The following IFT57 variants were observed in gnomAD, a reference collection of about 807,000 sequenced individuals.
IFT57 encodes the protein intraflagellar transport protein 57 homolog.
Under a neutral mutation model 56.8 loss-of-function variants are expected in IFT57, and 59 were observed. The observed-to-expected ratio is 1.04, with a 90% CI of 0.84 to 1.29. The LOEUF (loss-of-function observed/expected upper bound fraction) is 1.29, where lower values mean the gene tolerates loss of function less well. IFT57 is among the 50% of genes most tolerant of loss of function. The pLI is 0.00. For missense variants in IFT57, 470 were observed against 522.1 expected (o/e 0.90, Z 0.97); for synonymous variants, 209 against 186.1 (o/e 1.12, Z -1.00).
At chr3:108,182,897 TTAATTA>T (rs1457069933) in intron 6 of IFT57, among the ~76,000 whole-genome samples, 1 of 152,130 alleles carries the variant, frequency 6.6e-6, no homozygotes, top group Non-Finnish European at 1.5e-5. Flanking sequence ...TAAGAAACAT[TTAATTA>T]TAATTTGGAA....
chr3:108,215,625 CAT>C (rs75674084), intron 3 of IFT57, among the ~76,000 whole-genome samples: 13,907 of 152,172 alleles, frequency 0.091, 698 homozygotes, highest in Middle Eastern at 0.12. Flanking sequence ...CTAAATCAAT[CAT>C]CTTAAATAAT....
chr3:108,176,012 C>T (rs1268143091), intron 6 of IFT57, among the ~76,000 whole-genome samples: 1 of 151,784 alleles, frequency 6.6e-6, no homozygotes, highest in Non-Finnish European at 1.5e-5. Flanking sequence ...AAGAGCAGAG[C>T]TCCAAGGCTC....
intron 3 of IFT57, among the ~76,000 whole-genome samples, chr3:108,215,349 A>C (rs1221714055): frequency 1.3e-5 from 2 of 151,980 alleles, no homozygotes; most frequent in African/African-American, 4.8e-5. Context: ...ACTGTCTGAG[A>C]CCAGGAGTTT....
At chr3:108,173,808 G>GTGTGTGTGTGTGTGTGTGTGTA (rs771647277) in intron 6 of IFT57, among the ~76,000 whole-genome samples, 1 of 127,134 alleles carries the variant, frequency 7.9e-6, no homozygotes, top group African/African-American at 3.1e-5. Context: ...GTGTGTGTGT[G>GTGTGTGTGTGTGTGTGTGTGTA]TATATAATAT....
At chr3:108,198,064 T>A (rs1169429986) in intron 5 of IFT57, among the ~76,000 whole-genome samples, 2 of 152,124 alleles carry the variant, frequency 1.3e-5, no homozygotes, top group Non-Finnish European at 2.9e-5. Context: ...TGCCCAATAA[T>A]AACACCATGA....
At chr3:108,191,387 T>C (rs996382453) in intron 6 of IFT57, 134 bp downstream of exon 6, 3 of 527,354 alleles carry the variant, frequency 5.7e-6, no homozygotes, top group Admixed American at 3.9e-5. Flanking sequence ...GTTAAATCCT[T>C]ATTAAGACAA....
chr3:108,187,047 G>GTTAA (rs1216070689), intron 6 of IFT57, among the ~76,000 whole-genome samples: 1 of 152,058 alleles, frequency 6.6e-6, no homozygotes, highest in African/African-American at 2.4e-5. Context: ...AGAGTCAAAA[G>GTTAA]TTAAAATGCA....
At chr3:108,214,395 A>C (rs544446912) in intron 3 of IFT57, among the ~76,000 whole-genome samples, 4 of 152,216 alleles carry the variant, frequency 2.6e-5, no homozygotes, top group African/African-American at 9.6e-5. Context: ...GAGGTTTCTA[A>C]TTATTTTGCT....
At chr3:108,184,205 T>C (rs1002990173) in intron 6 of IFT57, among the ~76,000 whole-genome samples, 2 of 152,138 alleles carry the variant, frequency 1.3e-5, no homozygotes, top group African/African-American at 4.8e-5. Flanking sequence ...CTTAGCAGAA[T>C]TTCTGGCTGC....
intron 3 of IFT57, 51 bp from the exon 4 acceptor site, chr3:108,214,072 CA>C: frequency 5.5e-6 from 6 of 1,092,236 alleles, no homozygotes; most frequent in Non-Finnish European, 6.8e-6. Context: ...TTTAGTAAGA[CA>C]AAAAAATCAT....
intron 6 of IFT57, among the ~76,000 whole-genome samples, chr3:108,171,536 C>T (rs534640939): frequency 9.2e-4 from 140 of 151,964 alleles, no homozygotes; most frequent in African/African-American, 3.3e-3. Context: ...ATCTACTTAA[C>T]AATCATCTAG....
chr3:108,215,861 T>C (rs1381027030), intron 3 of IFT57, among the ~76,000 whole-genome samples: 1 of 152,054 alleles, frequency 6.6e-6, no homozygotes, highest in South Asian at 2.1e-4. Flanking sequence ...CAAGTCACAG[T>C]CTCTTCAATA....
intron 6 of IFT57, among the ~76,000 whole-genome samples, chr3:108,181,895 A>G (rs2080152958): frequency 6.6e-6 from 1 of 152,038 alleles, no homozygotes; most frequent in African/African-American, 2.4e-5. Flanking sequence ...AAATTACGTG[A>G]ATATTTCTCA....
intron 6 of IFT57, among the ~76,000 whole-genome samples, chr3:108,190,262 G>T (rs2080207998): frequency 6.6e-6 from 1 of 152,162 alleles, no homozygotes; most frequent in Admixed American, 6.5e-5. Context: ...GCATGATTGT[G>T]TTCTGAAATG....
At chr3:108,214,394 A>C (rs1183425850) in intron 3 of IFT57, among the ~76,000 whole-genome samples, 2 of 152,104 alleles carry the variant, frequency 1.3e-5, no homozygotes, top group Non-Finnish European at 2.9e-5. Flanking sequence ...AGAGGTTTCT[A>C]ATTATTTTGC....
intron 5 of IFT57, among the ~76,000 whole-genome samples, chr3:108,201,721 A>G (rs1000029312): frequency 1.3e-5 from 2 of 152,252 alleles, no homozygotes; most frequent in Non-Finnish European, 2.9e-5. Flanking sequence ...TTACTCAGTA[A>G]GAATATTTTA....
intron 9 of IFT57, among the ~76,000 whole-genome samples, chr3:108,164,086 T>C (rs773932267): frequency 6.6e-6 from 1 of 152,084 alleles, no homozygotes; most frequent in Non-Finnish European, 1.5e-5. Flanking sequence ...ATTAAAATAG[T>C]ATAAACATCC....
At chr3:108,218,779 TAC>T (rs2080388082) in intron 2 of IFT57, 126 bp from the exon 3 acceptor site, 1 of 493,314 alleles carries the variant, frequency 2.0e-6, no homozygotes, top group Admixed American at 4.2e-5. Flanking sequence ...TAACTGTAAT[TAC>T]ACTGCTTCAT....
chr3:108,213,061 T>C (rs1011865905), intron 4 of IFT57, among the ~76,000 whole-genome samples: 1 of 152,226 alleles, frequency 6.6e-6, no homozygotes, highest in African/African-American at 2.4e-5. Flanking sequence ...CTCTCCCTTA[T>C]GGCTTGCTTA....
Sources: allele counts gnomAD v4.1 joint callset (sites outside exome capture counted in the v4.1 genomes callset), GRCh38; gene constraint gnomAD v4.1.1; transcripts MANE v1.5; gene names NCBI Gene and HGNC (gene_info 2026-07-23, HGNC 2026-07-21).